Variants in ITPR3 observed in about 807,000 individuals in gnomAD.
ITPR3 encodes the protein inositol 1,4,5-trisphosphate receptor type 3.
In ITPR3, 173 loss-of-function variants were observed where a neutral mutation model predicts 293.2. The observed-to-expected ratio is 0.59, with a 90% confidence interval of 0.52 to 0.67. The LOEUF is 0.67. Ranked by LOEUF, ITPR3 falls within the 30% of genes least tolerant of loss-of-function variation. The pLI is 0.00. For synonymous variants in ITPR3, 1,295 were observed against 1,444.4 expected, an observed-to-expected ratio of 0.90 and a Z score of 2.35; for missense variants, 2,796 against 3,592.1, an observed-to-expected ratio of 0.78 and a Z score of 5.66.
rs114802366 is a variant in ITPR3, at chr6:33,669,217, G to A, written c.2189+61G>A. ...TGCCTTTGGGCCTTCTCAGTAGGCC[G>A]TCAGTCAATCCCTGCTGAGGATGAG... On this transcript the variant is annotated intron_variant, in intron 18 of 57. Transcript: ENST00000605930. 225 of 1,524,346 alleles carry A rather than the reference G, an allele frequency of 1.5e-4. No homozygotes were observed. In the African/African-American group the frequency reaches 2.4e-3, roughly 16 times the overall value. 94.4% of individuals were successfully genotyped at this position (1,524,346 alleles called of 1,614,324 possible).
At position 33,678,638 on chromosome 6, in the gene ITPR3, G is replaced by C. The variant is rs912952658; in HGVS notation, c.3772-1G>C. 6.2e-7 allele frequency: 1 copy of C among 1,611,500 alleles called. No individual in the cohort carries two copies. Among genetic ancestry groups the C allele is most frequent in the African/African-American group, 1.3e-5 (1 of 75,010 alleles). ...TTTCTGACAGATGCCCCCCACTGCAGCTCCTGGAGGCAGAGACCATGCAGC... is the reference window on the plus strand; with the variant it reads ...TTTCTGACAGATGCCCCCCACTGCACCTCCTGGAGGCAGAGACCATGCAGC... On this transcript the variant is annotated splice_acceptor_variant, in intron 29 of 57. Coordinates refer to ENST00000605930, the MANE Select transcript of ITPR3 (RefSeq NM_002224.4). LOFTEE classifies it high-confidence loss of function.
chr6:33,679,790 G>A lies in ITPR3; in HGVS notation c.3973-92G>A, dbSNP rs1765016103. The A allele has an allele frequency of 6.8e-7, 1 of 1,477,990 alleles. No individual in the cohort carries two copies. The highest frequency in any genetic ancestry group is 9.1e-7 in the Non-Finnish European group (1 of 1,098,438). The allele number at this position is 1,477,990 out of a possible 1,614,324, so 91.6% of individuals were successfully genotyped here. On this transcript the variant is annotated intron_variant, in intron 30 of 57. Coordinates refer to ENST00000605930, the MANE Select transcript of ITPR3 (RefSeq NM_002224.4). This position sits in a 1 kb window ranked among gnomAD's most constrained non-coding sequence, Gnocchi z 4.2. ...TGATTTCAGGTAAGGGCTGTGGTCA[G>A]AGTCCCAGTTTCTCCCTGGTAAGCA... is the stretch of plus-strand genomic sequence containing the variant.
At chr6:33,693,782 A>G in intron 56 of ITPR3, 77 bp downstream of exon 56, 1 of 1,528,992 alleles carries the variant, frequency 6.5e-7, no homozygotes, top group Non-Finnish European at 8.9e-7. Flanking sequence ...CAGAGGCCTC[A>G]TGGTTTTAGC....
At chr6:33,628,627 C>G (rs1051558425) in intron 1 of ITPR3, among the ~76,000 whole-genome samples, 1 of 152,158 alleles carries the variant, frequency 6.6e-6, no homozygotes, top group African/African-American at 2.4e-5. Context: ...CTGGGTGGAG[C>G]CACATGCCAC....
At chr6:33,637,368 G>A (rs1434428417) in intron 1 of ITPR3, among the ~76,000 whole-genome samples, 1 of 152,216 alleles carries the variant, frequency 6.6e-6, no homozygotes, top group Non-Finnish European at 1.5e-5. Context: ...GATTAATATG[G>A]AGCAGGAGAT....
intron 13 of ITPR3, 46 bp downstream of exon 13, chr6:33,665,259 C>T (rs1456380040): frequency 1.3e-6 from 2 of 1,586,640 alleles, no homozygotes; most frequent in African/African-American, 2.7e-5. Context: ...CTTGCCCTCC[C>T]AGGGCCTGCA....
Position 33,695,717 on chromosome 6 carries a change from G to T in ITPR3, c.7953G>T (p.Thr2651=). 1 of 1,614,120 alleles carries T rather than the reference G, an allele frequency of 6.2e-7. No individual in the cohort carries two copies. The highest frequency in any genetic ancestry group is 1.3e-5 in the African/African-American group (1 of 75,078). The change falls in exon 58 of 58, where the codon ACG becomes ACT. Residue 2651 remains threonine, a synonymous_variant. Coordinates refer to ENST00000605930, the MANE Select transcript of ITPR3 (RefSeq NM_002224.4). ...TGGCATCTGCTTAACCCTAGATGAC[G>T]GAGCAGCGGAAACGCAGGCAACGCC... is the stretch of plus-strand genomic sequence containing the variant. ...AQLNELKEQM[T]EQRKRRQRLG...
At chr6:33,695,618 CA>C (rs767314473) in intron 57 of ITPR3, 93 bp from the exon 58 acceptor site, 2 of 1,285,866 alleles carry the variant, frequency 1.6e-6, no homozygotes, top group Non-Finnish European at 2.2e-6. Flanking sequence ...GCTGGGCCCA[CA>C]GGGGAAGACG....
At position 33,685,627 on chromosome 6, in the gene ITPR3, C is replaced by A; in HGVS notation, c.5483-16C>A. ...AGGGGGTGGGCAGCTCCAGCCTCAC[C>A]AGGTCTCGCCCACAGGCCGCGTGGC... is the stretch of plus-strand genomic sequence containing the variant. On this transcript the variant is annotated splice_polypyrimidine_tract_variant and intron_variant, in intron 40 of 57. Transcript: ENST00000605930. 1.9e-6 allele frequency: 3 copies of A among 1,581,208 alleles called. No individual in the cohort carries two copies. The highest frequency in any genetic ancestry group is 2.6e-6 in the Non-Finnish European group (3 of 1,158,880).
intron 2 of ITPR3, among the ~76,000 whole-genome samples, chr6:33,643,805 C>T (rs1282765014): frequency 6.6e-6 from 1 of 152,188 alleles, no homozygotes; most frequent in Non-Finnish European, 1.5e-5. Flanking sequence ...TGGATGCCCC[C>T]TTCCCTAGCC....
chr6:33,680,819 T>C (rs1161441579), intron 33 of ITPR3, 139 bp downstream of exon 33: 33 of 915,202 alleles, frequency 3.6e-5, no homozygotes, highest in Non-Finnish European at 4.7e-5. Flanking sequence ...GTATTGGTTA[T>C]CTTTTTTTTT....
At position 33,688,443 on chromosome 6, in the gene ITPR3, CGGGCGGGAGGGTG is replaced by C; in HGVS notation, c.6568+19_6568+31del. Reference sequence around the variant, plus strand: ...GCGCAAGCTCCGCAGTGAGGACCCACGGGCGGGAGGGTGGGGCGGTCTGGAGCTGTTCACTGAT... The same window carrying C: ...GCGCAAGCTCCGCAGTGAGGACCCACGGGCGGTCTGGAGCTGTTCACTGAT... On this transcript the variant is annotated intron_variant, in intron 48 of 57. Coordinates refer to ENST00000605930, the MANE Select transcript of ITPR3 (RefSeq NM_002224.4). The C allele has an allele frequency of 7.7e-6, 1 of 130,214 alleles. No homozygotes were observed. Among genetic ancestry groups the C allele is most frequent in the Non-Finnish European group, 1.3e-5 (1 of 76,832 alleles). The allele number at this position is 130,214 out of a possible 1,614,324, so 8.1% of individuals were successfully genotyped here.
At chr6:33,622,309 T>C (rs577474733) in intron 1 of ITPR3, among the ~76,000 whole-genome samples, 26 of 152,170 alleles carry the variant, frequency 1.7e-4, no homozygotes, top group Non-Finnish European at 2.6e-4. Flanking sequence ...CCTTGGGTCC[T>C]TGGTTCTAGC....
chr6:33,627,977 G>A (rs891431575), intron 1 of ITPR3, among the ~76,000 whole-genome samples: 2 of 152,220 alleles, frequency 1.3e-5, no homozygotes, highest in African/African-American at 2.4e-5. Context: ...GAATCCTGCC[G>A]GCCTGAAAGA....
intron 1 of ITPR3, among the ~76,000 whole-genome samples, chr6:33,631,991 ATC>A (rs1763694197): frequency 6.6e-6 from 1 of 152,164 alleles, no homozygotes; most frequent in Non-Finnish European, 1.5e-5. Context: ...GTCCATGATC[ATC>A]TCTATATCTA....
rs141863261 is a variant in ITPR3, at chr6:33,679,971, C to T, written c.4062C>T (p.Asp1354=). 62 of 1,613,756 alleles carry T rather than the reference C, an allele frequency of 3.8e-5. No homozygotes were observed. In the East Asian group the frequency reaches 6.5e-4, roughly 17 times the overall value. ...HLLDMMKAAR[D]GVEDHSPLMY... ...TGGACATGATGAAGGCCGCCCGCGA[C>T]GGCGTGGAGGACCACAGCCCCCTCA... is the stretch of plus-strand genomic sequence containing the variant. The change falls in exon 31 of 58, where the codon GAC becomes GAT. Residue 1354 remains aspartate (D), a synonymous_variant. Transcript: ENST00000605930. This position sits in a 1 kb window ranked among gnomAD's most constrained non-coding sequence, Gnocchi z 4.2.
intron 1 of ITPR3, among the ~76,000 whole-genome samples, chr6:33,622,378 G>A (rs1582090522): frequency 6.6e-6 from 1 of 152,190 alleles, no homozygotes; most frequent in African/African-American, 2.4e-5. Flanking sequence ...CAGGGTCTGG[G>A]CTGGATGAAC....
intron 1 of ITPR3, among the ~76,000 whole-genome samples, chr6:33,639,389 A>C (rs1183766769): frequency 1.3e-5 from 2 of 151,860 alleles, no homozygotes; most frequent in African/African-American, 2.4e-5. Context: ...AAAAAAAAAA[A>C]AAAAAACAGA....
At chr6:33,668,357 G>T (rs1356116100) in intron 16 of ITPR3, among the ~76,000 whole-genome samples, 158 bp from the exon 17 acceptor site, 1 of 152,154 alleles carries the variant, frequency 6.6e-6, no homozygotes, top group Non-Finnish European at 1.5e-5. Flanking sequence ...TTCCCTCCTT[G>T]GGGAGCTGGG....
Sources: gnomAD v4.1 joint callset for allele counts (sites outside exome capture counted in the v4.1 genomes callset) on GRCh38, gnomAD v4.1.1 for gene constraint, Gnocchi (gnomAD v3.1) non-coding constraint, MANE v1.5 for transcripts, NCBI Gene and HGNC (gene_info 2026-07-23, HGNC 2026-07-21) for gene names.